ESYT2: variants seen among roughly 807,000 people sequenced by gnomAD.
The protein encoded by ESYT2 is extended synaptotagmin-2.
Under a neutral mutation model 107.2 loss-of-function variants are expected in ESYT2, and 54 were observed. The observed-to-expected ratio is 0.50, with a 90% CI of 0.40 to 0.63. The LOEUF is 0.63. Ranked by LOEUF, ESYT2 falls within the 30% of genes least tolerant of loss-of-function variation. ESYT2 has a pLI of 0.00. For synonymous variants in ESYT2, 491 were observed against 434.1 expected, an observed-to-expected ratio of 1.13 and a Z score of -1.63; for missense variants, 1,020 against 1,094.5, an observed-to-expected ratio of 0.93 and a Z score of 0.96.
At chr7:158,782,002 CAA>C (rs1461355545) in intron 6 of ESYT2, among the ~76,000 whole-genome samples, 2 of 142,872 alleles carry the variant, frequency 1.4e-5, no homozygotes, top group African/African-American at 2.7e-5. Flanking sequence ...ATTACGAGAA[CAA>C]GTGTGTGAAC....
At chr7:158,737,441 T>C (rs2305468) in intron 19 of ESYT2, among the ~76,000 whole-genome samples, 36,021 of 152,000 alleles carry the variant, frequency 0.24, 5,140 homozygotes, top group East Asian at 0.59. Context: ...TTCCAAGTCC[T>C]TGGTCTCTGC....
intron 1 of ESYT2, among the ~76,000 whole-genome samples, chr7:158,810,639 G>A (rs558638196): frequency 6.6e-5 from 10 of 152,030 alleles, no homozygotes; most frequent in African/African-American, 1.7e-4. Flanking sequence ...CCGTGATTGC[G>A]TCACTGCGCT....
intron 1 of ESYT2, among the ~76,000 whole-genome samples, chr7:158,807,694 C>A (rs1839872259): frequency 6.6e-6 from 1 of 152,200 alleles, no homozygotes; most frequent in South Asian, 2.1e-4. Flanking sequence ...ATCTGGGGCA[C>A]TTACGGGCCA....
chr7:158,742,025 A>T, intron 17 of ESYT2, 129 bp from the exon 18 acceptor site: 12 of 1,109,012 alleles, frequency 1.1e-5, no homozygotes, highest in Non-Finnish European at 1.5e-5. Flanking sequence ...ATTTTTTTTT[A>T]AAGGAAAGTT....
intron 6 of ESYT2, among the ~76,000 whole-genome samples, chr7:158,781,399 A>C (rs1353227655): frequency 6.8e-6 from 1 of 147,886 alleles, no homozygotes; most frequent in Non-Finnish European, 1.5e-5. Flanking sequence ...TTGAGAACAA[A>C]GTGTGAGGTG....
chr7:158,748,109 T>C (rs1837464680), intron 16 of ESYT2, 85 bp downstream of exon 16: 3 of 1,257,674 alleles, frequency 2.4e-6, no homozygotes, highest in Non-Finnish European at 3.4e-6. Flanking sequence ...CCCAGGTGTA[T>C]ACACGGGTCA....
chr7:158,788,043 G>A lies in ESYT2; in HGVS notation c.708C>T (p.Pro236=), dbSNP rs775149936. Residue 236 remains proline (P), a synonymous_variant, in exon 6 of 23, where the codon CCC becomes CCT. Transcript: ENST00000275418. ...AGAAGATAGACAAAGCTCCAACTAA[G>A]GGCATATCTCCAATCAACGGTTCCA... ...VILEPLIGDM[P]LVGALSIFFL... 6.2e-7 allele frequency: 1 copy of A among 1,614,046 alleles called. No homozygotes were observed. Among genetic ancestry groups the A allele is most frequent in the Non-Finnish European group, 8.5e-7 (1 of 1,179,940 alleles).
Position 158,773,331 on chromosome 7 carries a change from CG to C in ESYT2, c.803+9del. Reference sequence around the variant, plus strand: ...AACGCTAAGCCTCCGGGACCAGACACGAGACTTACTTCAATCCAGGGACATC... The same window carrying C: ...AACGCTAAGCCTCCGGGACCAGACACAGACTTACTTCAATCCAGGGACATC... On this transcript the variant is annotated intron_variant, in intron 7 of 22. Transcript: ENST00000275418. The C allele has an allele frequency of 6.2e-7, 1 of 1,614,048 alleles. No homozygotes were observed. The highest frequency in any genetic ancestry group is 8.5e-7 in the Non-Finnish European group (1 of 1,179,966).
chr7:158,755,154 C>T (rs1837711104), intron 13 of ESYT2, among the ~76,000 whole-genome samples: 1 of 152,188 alleles, frequency 6.6e-6, no homozygotes, highest in Non-Finnish European at 1.5e-5. Flanking sequence ...TGGCAATGCA[C>T]TCCTGGAGCT....
In ESYT2 at chr7:158,769,150, C is replaced by T. The variant is rs1381860491; in HGVS notation, c.804-1376G>A. ...CCAACCACCCACTGCAAGACAGTAT[C>T]CACGTGTGATGACCCAGCACCTCAA... is the stretch of plus-strand genomic sequence containing the variant. On this transcript the variant is annotated intron_variant, in intron 7 of 22. Transcript: ENST00000275418. 2.0e-5 allele frequency among the ~76,000 whole-genome samples: 3 copies of T among 152,204 alleles called. No homozygotes were observed. In the East Asian group the frequency reaches 5.8e-4, roughly 29 times the overall value.
At chr7:158,788,541 A>C in intron 4 of ESYT2, 124 bp from the exon 5 acceptor site, 1 of 817,304 alleles carries the variant, frequency 1.2e-6, no homozygotes, top group Non-Finnish European at 1.9e-6. Flanking sequence ...ATTGTAGGTA[A>C]AAACCCTAAA....
In ESYT2 at chr7:158,793,708, C is replaced by T. The variant is rs1422007889; in HGVS notation, c.526G>A (p.Val176Ile). ...VGQQPLRING[V>I]KVYTENVDKR... ...TCTACATTTTCAGTGTATACCTTAA[C>T]ACCATTGATCCTGAGGGGCTGAAAT... Residue 176 changes from valine to isoleucine, a missense_variant, in exon 4 of 23, where the codon GTT becomes ATT. Val to Ile is a conservative substitution (Grantham distance 29). Transcript: ENST00000275418. 1.2e-6 allele frequency: 2 copies of T among 1,613,258 alleles called. No individual in the cohort carries two copies. The highest frequency in any genetic ancestry group is 1.1e-5 in the South Asian group (1 of 91,020).
intron 8 of ESYT2, among the ~76,000 whole-genome samples, chr7:158,765,834 C>T (rs943434936): frequency 6.6e-6 from 1 of 152,118 alleles, no homozygotes; most frequent in Non-Finnish European, 1.5e-5. Context: ...CTTATTTCTT[C>T]CAAGGCAAAC....
intron 18 of ESYT2, among the ~76,000 whole-genome samples, chr7:158,740,985 GACA>G (rs1454152017): frequency 1.3e-5 from 2 of 152,086 alleles, no homozygotes; most frequent in Admixed American, 6.5e-5. Flanking sequence ...GATAACTACA[GACA>G]ACTTTTTCCT....
chr7:158,803,878 A>G lies in ESYT2; in HGVS notation c.331-4806T>C, dbSNP rs13236088. On this transcript the variant is annotated intron_variant, in intron 1 of 22. Transcript: ENST00000275418. ...GTGAGGCGCGCGACAAACCCAAACC[A>G]CGGAGAAGGGTGAGGCGCGCGACAA... Among the ~76,000 whole-genome samples the G allele has an allele frequency of 2.6e-3, 150 of 57,080 alleles. 1 individual carries two copies. The highest frequency in any genetic ancestry group is 0.012 in the African/African-American group (139 of 11,810). The allele number at this position is 57,080 out of a possible 152,430, so 37.4% of individuals were successfully genotyped here. A position where few individuals can be genotyped will look rare whatever the true frequency, so the allele number is the denominator to read the frequency against.
At chr7:158,811,428 G>C (rs1839991988) in intron 1 of ESYT2, among the ~76,000 whole-genome samples, 1 of 152,164 alleles carries the variant, frequency 6.6e-6, no homozygotes, top group African/African-American at 2.4e-5. Flanking sequence ...ATAAATGAGG[G>C]GCAAAGCCAT....
chr7:158,816,917 G>C (rs2129474143), intron 1 of ESYT2, among the ~76,000 whole-genome samples: 1 of 152,320 alleles, frequency 6.6e-6, no homozygotes, highest in South Asian at 2.1e-4. Flanking sequence ...TATTAATGTA[G>C]ACGGTGTTAA....
At position 158,789,515 on chromosome 7, in the gene ESYT2, C is replaced by T. The variant is rs576326305; in HGVS notation, c.585-1098G>A. ...GGGATTACAGGTGTGTGCCACTACG[C>T]TAATTAATTTTTGTATTTTTAGTAG... On this transcript the variant is annotated intron_variant, in intron 4 of 22. Transcript: ENST00000275418. Among the ~76,000 whole-genome samples the T allele has an allele frequency of 1.1e-4, 16 of 152,146 alleles. No individual in the cohort carries two copies. In the East Asian group the frequency reaches 1.9e-3, roughly 18 times the overall value.
intron 1 of ESYT2, among the ~76,000 whole-genome samples, chr7:158,812,292 G>A (rs978732151): frequency 6.6e-6 from 1 of 152,138 alleles, no homozygotes; most frequent in Non-Finnish European, 1.5e-5. Context: ...TCCCACTATG[G>A]CCAATTTCAA....
Sources: gnomAD v4.1 joint callset for allele counts (sites outside exome capture counted in the v4.1 genomes callset) on GRCh38, gnomAD v4.1.1 for gene constraint, MANE v1.5 for transcripts, NCBI Gene and HGNC (gene_info 2026-07-23, HGNC 2026-07-21) for gene names.